The following CCN6 variants were observed in gnomAD, a reference collection of about 807,000 sequenced individuals.
CCN6 encodes cellular communication network factor 6.
CCN6 carries 31 observed loss-of-function variants against 37.4 expected under a neutral mutation model. That is an observed-to-expected ratio of 0.83 (90% CI 0.62 to 1.12). CCN6 has a LOEUF of 1.12. Among genes scored for constraint, CCN6 ranks in the 50% most tolerant of loss-of-function variants. The pLI, the probability that CCN6 is intolerant of heterozygous loss-of-function variation, is 0.00. For missense variants in CCN6, 369 were observed against 413.8 expected (o/e 0.89, Z 0.94); for synonymous variants, 137 against 142.1 (o/e 0.96, Z 0.26).
intron 1 of CCN6, among the ~76,000 whole-genome samples, chr6:112,055,410 T>G (rs1206448604): frequency 6.6e-6 from 1 of 152,072 alleles, no homozygotes. Flanking sequence ...CACAGAGAGA[T>G]GTGTACAAAA....
chr6:112,065,608 A>ACACACG (rs1485965890), intron 3 of CCN6, among the ~76,000 whole-genome samples: 1 of 75,346 alleles, frequency 1.3e-5, no homozygotes, highest in African/African-American at 7.2e-5. Context: ...ACAAACACAC[A>ACACACG]CGCACACACA....
chr6:112,054,386 T>C lies in CCN6; in HGVS notation c.29T>C (p.Leu10Pro), dbSNP rs1776282450. 6.2e-7 allele frequency: 1 copy of C among 1,613,868 alleles called. No homozygotes were observed. Among genetic ancestry groups the C allele is most frequent in the Non-Finnish European group, 8.5e-7 (1 of 1,179,976 alleles). The change falls in exon 1 of 5, where the codon CTG becomes CCG. Residue 10 changes from leucine (L) to proline (P), a missense_variant. Physicochemically the swap from Leu to Pro is moderately conservative, Grantham distance 98 (BLOSUM62 -3). Coordinates refer to ENST00000368666, the MANE Select transcript of CCN6 (RefSeq NM_198239.2). Reference protein sequence around the residue: MQGLLFSTLLLAGLAQFCCR... With the variant: MQGLLFSTLPLAGLAQFCCR... ...CAGGGGCTCCTCTTCTCCACTCTTC[T>C]GCTTGCTGGCCTGGCACAGGTAAGT...
At chr6:112,056,463 T>G (rs138176483) in intron 1 of CCN6, among the ~76,000 whole-genome samples, 1 of 152,248 alleles carries the variant, frequency 6.6e-6, no homozygotes, top group Non-Finnish European at 1.5e-5. Flanking sequence ...AAGTCAGATC[T>G]CAGTTTTATT....
chr6:112,053,866 G>T (rs782169938), upstream of CCN6, among the ~76,000 whole-genome samples: 37 of 73,982 alleles, frequency 5.0e-4, no homozygotes, highest in East Asian at 7.4e-3. Flanking sequence ...TGCTGTTGGT[G>T]GGGGGGCCAG....
rs1292830689 is a variant in CCN6 at position 112,061,304 on chromosome 6, T to C, written c.346+16T>C. 27 of 1,613,938 alleles carry C rather than the reference T, an allele frequency of 1.7e-5. No homozygotes were observed. Among genetic ancestry groups the C allele is most frequent in the Non-Finnish European group, 2.2e-5 (26 of 1,179,974 alleles). On this transcript the variant is annotated intron_variant, in intron 2 of 4. Coordinates refer to ENST00000368666, the MANE Select transcript of CCN6 (RefSeq NM_198239.2). ...GTGTGTGCATGTAAGTGTCTTCTTC[T>C]GGACCTGCTGGAAAAGATTGAGTCT...
chr6:112,063,751 T>G (rs1253470697), intron 2 of CCN6, among the ~76,000 whole-genome samples: 1 of 152,210 alleles, frequency 6.6e-6, no homozygotes, highest in East Asian at 1.9e-4. Context: ...GAATAACCAG[T>G]TTATCATCAG....
intron 4 of CCN6, 89 bp downstream of exon 4, chr6:112,068,487 T>TA: frequency 2.5e-6 from 3 of 1,200,378 alleles, no homozygotes; most frequent in Non-Finnish European, 3.5e-6. Context: ...GGATGGTGTT[T>TA]AGTTCTTAGA....
intron 1 of CCN6, among the ~76,000 whole-genome samples, chr6:112,059,842 A>G (rs1439728219): frequency 6.6e-6 from 1 of 152,228 alleles, no homozygotes; most frequent in Non-Finnish European, 1.5e-5. Context: ...AGATGCTCAC[A>G]TTCTTGGTGC....
intron 2 of CCN6, among the ~76,000 whole-genome samples, chr6:112,061,745 G>C (rs1177635730): frequency 2.6e-5 from 4 of 152,136 alleles, no homozygotes; most frequent in Non-Finnish European, 5.9e-5. Flanking sequence ...CCGAGTTGCT[G>C]TGCTTTTTAC....
In CCN6 at chr6:112,064,747, C is replaced by G. The variant is rs782165023; in HGVS notation, c.347-8C>G. ...TTCTTTGGCAATTTTGCTCTTTTCT[C>G]TTTTCAGACCTTGTAGCTGTTGGGT... On this transcript the variant is annotated splice_region_variant and splice_polypyrimidine_tract_variant and intron_variant, in intron 2 of 4. Transcript: ENST00000368666. 5.0e-6 allele frequency: 8 copies of G among 1,613,832 alleles called. No homozygotes were observed. Among genetic ancestry groups the G allele is most frequent in the Admixed American group, 3.3e-5 (2 of 59,986 alleles).
At chr6:112,052,922 T>C (rs1011335328), upstream of CCN6, among the ~76,000 whole-genome samples, 1 of 152,232 alleles carries the variant, frequency 6.6e-6, no homozygotes, top group Non-Finnish European at 1.5e-5. Flanking sequence ...GCCTCGTTTT[T>C]CCCAGGCCCT....
rs1554311318 is a variant in CCN6 at position 112,054,245 on chromosome 6, T to C, written c.-113T>C. ...TGTGGGAGGTAGAGGGTGTGTGTTC[T>C]TGTGCAGAGGAGCGTGGGGTTTGCA... is the stretch of plus-strand genomic sequence containing the variant. On this transcript the variant is annotated 5_prime_UTR_variant, in exon 1 of 5. Transcript: ENST00000368666. 4.1e-6 allele frequency: 6 copies of C among 1,446,120 alleles called. No individual in the cohort carries two copies. The East Asian group carries it at 9.1e-5, about 22-fold the overall frequency. The allele number at this position is 1,446,120 out of a possible 1,614,324, so 89.6% of individuals were successfully genotyped here.
chr6:112,061,315 G>A (rs782644203), intron 2 of CCN6, 27 bp downstream of exon 2: 2 of 1,613,948 alleles, frequency 1.2e-6, no homozygotes, highest in South Asian at 2.2e-5. Flanking sequence ...GGACCTGCTG[G>A]AAAAGATTGA....
chr6:112,068,391 C>A lies in CCN6; in HGVS notation c.776C>A (p.Thr259Lys). The stretch of plus-strand genomic sequence containing the variant: ...CCTTGCGACAGCAATATATTAAAGA[C>A]AATAAAGGTAAAGTTTAAATATATT... ...IQPCDSNILK[T>K]IKIPKGKTCQ... Residue 259 changes from threonine to lysine, a missense_variant, in exon 4 of 5, where the codon ACA becomes AAA. Coordinates refer to ENST00000368666, the MANE Select transcript of CCN6 (RefSeq NM_198239.2). 6.2e-7 allele frequency: 1 copy of A among 1,609,264 alleles called. No homozygotes were observed. The highest frequency in any genetic ancestry group is 8.5e-7 in the Non-Finnish European group (1 of 1,177,312).
intron 1 of CCN6, among the ~76,000 whole-genome samples, chr6:112,059,177 T>G (rs1465032264): frequency 6.6e-6 from 1 of 152,218 alleles, no homozygotes; most frequent in African/African-American, 2.4e-5. Flanking sequence ...TATCACTTAC[T>G]TGATATGTCA....
rs1554312782 is a variant in CCN6 at position 112,061,183 on chromosome 6, C to T, written c.241C>T (p.Gln81Ter). 1 of 1,614,178 alleles carries T rather than the reference C, an allele frequency of 6.2e-7. No individual in the cohort carries two copies. The highest frequency in any genetic ancestry group is 2.2e-5 in the East Asian group (1 of 44,892). The change falls in exon 2 of 5, where the codon CAA (glutamine) becomes TAA (stop). Residue 81 changes from glutamine to a stop codon, truncating the protein, a stop_gained. Transcript: ENST00000368666. LOFTEE classifies it high-confidence loss of function. ...GCGCCKICAK[Q>*]PGEICNEADL... ...TGGATGCTGTAAAATCTGTGCCAAG[C>T]AACCAGGGGAAATCTGCAATGAAGC...
At chr6:112,059,242 A>G (rs1441675389) in intron 1 of CCN6, among the ~76,000 whole-genome samples, 1 of 152,194 alleles carries the variant, frequency 6.6e-6, no homozygotes, top group African/African-American at 2.4e-5. Flanking sequence ...AAAATGGAGT[A>G]TACAGTTTCC....
intron 1 of CCN6, among the ~76,000 whole-genome samples, chr6:112,058,118 C>T (rs1464595608): frequency 6.6e-6 from 1 of 152,196 alleles, no homozygotes; most frequent in Non-Finnish European, 1.5e-5. Flanking sequence ...ACTATTTCTA[C>T]TCCCTTCTCC....
intron 1 of CCN6, chr6:112,059,971 A>C (rs1554312435): frequency 1.5e-6 from 2 of 1,354,730 alleles, no homozygotes; most frequent in Non-Finnish European, 2.0e-6. Flanking sequence ...GGCCTCACTG[A>C]GAAATTTGAG....
Sources: allele counts gnomAD v4.1 joint callset (sites outside exome capture counted in the v4.1 genomes callset), GRCh38; gene constraint gnomAD v4.1.1; transcripts MANE v1.5; gene names NCBI Gene and HGNC (gene_info 2026-07-23, HGNC 2026-07-21).